ZNF529: variants seen among roughly 807,000 people sequenced by gnomAD.
ZNF529 encodes zinc finger protein 529.
In ZNF529, 11 loss-of-function variants were observed where a neutral mutation model predicts 10.1. That is an observed-to-expected ratio of 1.09 (90% CI 0.69 to 1.81). ZNF529 has a LOEUF of 1.81. Ranked by LOEUF, ZNF529 falls within the 40% of genes most tolerant of loss-of-function variation. ZNF529 has a pLI of 0.00. For synonymous variants in ZNF529, 204 were observed against 215.7 expected (o/e 0.95, Z 0.47); for missense variants, 624 against 666.8 (o/e 0.94, Z 0.71).
At chr19:36,571,483 C>T (rs2036105860) in intron 2 of ZNF529, among the ~76,000 whole-genome samples, 1 of 151,730 alleles carries the variant, frequency 6.6e-6, no homozygotes, top group African/African-American at 2.4e-5. Context: ...GATACCAGCC[C>T]AGCCAACATG....
At chr19:36,589,335 T>C (rs1004078977) in intron 2 of ZNF529, among the ~76,000 whole-genome samples, 1 of 152,258 alleles carries the variant, frequency 6.6e-6, no homozygotes, top group South Asian at 2.1e-4. Context: ...TCTGATGCTA[T>C]TTCCAGGCAG....
At chr19:36,605,205 G>T (rs956917495) in exon 1 of ZNF529, 1 of 152,290 alleles carries the variant, frequency 6.6e-6, no homozygotes, top group Non-Finnish European at 1.5e-5. Flanking sequence ...GCAATAGGGC[G>T]GCCGTGGGTG....
intron 1 of ZNF529, among the ~76,000 whole-genome samples, chr19:36,593,087 A>G (rs1470277714): frequency 6.6e-6 from 1 of 152,252 alleles, no homozygotes; most frequent in Admixed American, 6.5e-5. Context: ...CAATAAGGCA[A>G]CAAAATAAAT....
chr19:36,547,849 T>C lies in ZNF529; in HGVS notation c.709A>G (p.Ser237Gly). The C allele has an allele frequency of 6.2e-7, 1 of 1,610,998 alleles. No individual in the cohort carries two copies. Among genetic ancestry groups the C allele is most frequent in the Non-Finnish European group, 8.5e-7 (1 of 1,177,880 alleles). Residue 237 changes from serine to glycine, a missense_variant, in exon 5 of 5, where the codon AGT (serine) becomes GGT (glycine). Physicochemically the swap from Ser to Gly is moderately conservative, Grantham distance 56 (BLOSUM62 0). Coordinates refer to ENST00000591340, the MANE Select transcript of ZNF529 (RefSeq NM_020951.5). ...CKYMEYGNTC[S>G]FYKDFNVYQK... Reference sequence around the variant, plus strand: ...TATACATTAAAGTCTTTATAAAAACTACATGTATTCCCATATTCCATATAT... The same window carrying C: ...TATACATTAAAGTCTTTATAAAAACCACATGTATTCCCATATTCCATATAT...
chr19:36,546,863 A>T lies in ZNF529; in HGVS notation c.*3T>A. 1 of 1,602,522 alleles carries T rather than the reference A, an allele frequency of 6.2e-7. No homozygotes were observed. Among genetic ancestry groups the T allele is most frequent in the Non-Finnish European group, 8.5e-7 (1 of 1,174,180 alleles). Reference sequence around the variant, plus strand: ...AAATAAAAAACCACTTTATACATTTATTTCAGTCAAATGATTTCTCACCAG... The same window carrying T: ...AAATAAAAAACCACTTTATACATTTTTTTCAGTCAAATGATTTCTCACCAG... On this transcript the variant is annotated 3_prime_UTR_variant, in exon 5 of 5. Coordinates refer to ENST00000591340, the MANE Select transcript of ZNF529 (RefSeq NM_020951.5).
At chr19:36,591,297 C>CAA (rs66878050) in intron 1 of ZNF529, among the ~76,000 whole-genome samples, 14 of 72,978 alleles carry the variant, frequency 1.9e-4, no homozygotes, top group Non-Finnish European at 2.6e-4. Flanking sequence ...GACTCCGTCT[C>CAA]AAAAAAAAAA....
At chr19:36,590,016 A>G (rs895727539) in intron 1 of ZNF529, among the ~76,000 whole-genome samples, 3 of 152,252 alleles carry the variant, frequency 2.0e-5, no homozygotes, top group African/African-American at 4.8e-5. Context: ...AGGTTAAAGA[A>G]GAAATCAAAG....
chr19:36,574,007 C>T (rs578250071), upstream of ZNF529, among the ~76,000 whole-genome samples: 3 of 152,300 alleles, frequency 2.0e-5, no homozygotes, highest in Non-Finnish European at 4.4e-5. Flanking sequence ...GTGTGTCTGC[C>T]TTAGGGCGTG....
At chr19:36,560,324 A>C (rs2035640118) in intron 2 of ZNF529, among the ~76,000 whole-genome samples, 1 of 152,090 alleles carries the variant, frequency 6.6e-6, no homozygotes, top group South Asian at 2.1e-4. Context: ...GACAGTATAC[A>C]TATATATCTC....
chr19:36,571,531 C>T (rs554675019), intron 2 of ZNF529, among the ~76,000 whole-genome samples: 8 of 151,994 alleles, frequency 5.3e-5, no homozygotes, highest in African/African-American at 1.7e-4. Context: ...AAAAATTAGC[C>T]GGGCATGGTG....
chr19:36,555,030 A>G (rs978689249), intron 3 of ZNF529, among the ~76,000 whole-genome samples: 7 of 152,196 alleles, frequency 4.6e-5, no homozygotes, highest in Non-Finnish European at 1.0e-4. Context: ...TATTTAGCCA[A>G]CCATGTCTGG....
chr19:36,565,248 GA>G (rs1870712379), intron 2 of ZNF529, among the ~76,000 whole-genome samples: 1 of 151,726 alleles, frequency 6.6e-6, no homozygotes, highest in Non-Finnish European at 1.5e-5. Flanking sequence ...AATAAAAGTT[GA>G]AAAAAGAAAC....
At chr19:36,599,302 G>A (rs1386373808) in intron 1 of ZNF529, among the ~76,000 whole-genome samples, 1 of 152,142 alleles carries the variant, frequency 6.6e-6, no homozygotes, top group Non-Finnish European at 1.5e-5. Context: ...TTACTTAGCT[G>A]CCTACCTGTT....
intron 2 of ZNF529, among the ~76,000 whole-genome samples, chr19:36,588,943 T>C (rs559346739): frequency 4.5e-4 from 6 of 13,354 alleles, no homozygotes; most frequent in African/African-American, 3.5e-3. Context: ...GAACCCCATC[T>C]TTTTTTTTTT....
chr19:36,579,566 A>G (rs1214151619), intron 2 of ZNF529, among the ~76,000 whole-genome samples: 1 of 152,224 alleles, frequency 6.6e-6, no homozygotes, highest in African/African-American at 2.4e-5. Flanking sequence ...TGTATAGCAT[A>G]TTATATAGCA....
chr19:36,572,282 T>TGGGAAG lies in ZNF529; in HGVS notation c.14+45_14+50dup. On this transcript the variant is annotated intron_variant, in intron 2 of 4. Coordinates refer to ENST00000591340, the MANE Select transcript of ZNF529 (RefSeq NM_020951.5). ...CCATCTCTACGGTCCTGTTGTTAAT[T>TGGGAAG]GGGAAGAGAAAACCAAGGGACCAGG... The TGGGAAG allele has an allele frequency of 2.6e-6, 4 of 1,546,884 alleles. No individual in the cohort carries two copies. In the Admixed American group the frequency reaches 5.9e-5, roughly 23 times the overall value.
upstream of ZNF529, chr19:36,573,323 TC>T (rs1253726582): frequency 5.2e-6 from 2 of 387,370 alleles, no homozygotes; most frequent in Admixed American, 3.1e-5. Flanking sequence ...AGGTCGAAGT[TC>T]ATCCGCGGCC....
chr19:36,578,451 G>T (rs2036388537), intron 2 of ZNF529, among the ~76,000 whole-genome samples: 1 of 149,478 alleles, frequency 6.7e-6, no homozygotes, highest in Non-Finnish European at 1.5e-5. Context: ...GACTATAGGT[G>T]CCCGCCACGA....
chr19:36,577,504 T>C (rs532640106), upstream of ZNF529: 49 of 156,388 alleles, frequency 3.1e-4, no homozygotes, highest in African/African-American at 1.2e-3. Flanking sequence ...CTTTTTTTTT[T>C]TTTTGAGACA....
Sources: gnomAD v4.1 joint callset for allele counts (sites outside exome capture counted in the v4.1 genomes callset) on GRCh38, gnomAD v4.1.1 for gene constraint, MANE v1.5 for transcripts, NCBI Gene and HGNC (gene_info 2026-07-23, HGNC 2026-07-21) for gene names.